The following ULK4 variants were observed in gnomAD, a reference collection of about 807,000 sequenced individuals.
ULK4 encodes the protein inactive serine/threonine-protein kinase ULK4.
ULK4 carries 133 observed loss-of-function variants against 160.6 expected under a neutral mutation model. That is an observed-to-expected ratio of 0.83 (90% CI 0.72 to 0.96). The LOEUF (loss-of-function observed/expected upper bound fraction) is 0.96. Among genes scored for constraint, ULK4 ranks in the 40% least tolerant of loss-of-function variants. The pLI is 0.00. For missense variants in ULK4, 1,580 were observed against 1,499.5 expected (o/e 1.05, Z -0.89); for synonymous variants, 534 against 539.8 (o/e 0.99, Z 0.15).
At chr3:41,314,432 AT>A (rs1248425771) in intron 35 of ULK4, among the ~76,000 whole-genome samples, 1 of 151,996 alleles carries the variant, frequency 6.6e-6, no homozygotes, top group African/African-American at 2.4e-5. Flanking sequence ...GCTCCCACTT[AT>A]GAGTTTGAAC....
chr3:41,888,068 C>T (rs1697792316), intron 16 of ULK4, among the ~76,000 whole-genome samples: 1 of 151,812 alleles, frequency 6.6e-6, no homozygotes, highest in South Asian at 2.1e-4. Context: ...CCCATTCCAG[C>T]CTCGGGGACA....
intron 34 of ULK4, among the ~76,000 whole-genome samples, chr3:41,420,163 T>C (rs1002977596): frequency 3.3e-5 from 5 of 152,086 alleles, no homozygotes; most frequent in African/African-American, 1.2e-4. Flanking sequence ...AAAATTTTCT[T>C]GGTTAGTCTC....
chr3:41,274,782 T>C (rs1436051353), intron 35 of ULK4, among the ~76,000 whole-genome samples: 5 of 152,248 alleles, frequency 3.3e-5, no homozygotes, highest in Non-Finnish European at 7.3e-5. Context: ...TGTGTTCCAA[T>C]TTGATATTGC....
At chr3:41,941,519 G>A (rs1471156305) in intron 2 of ULK4, among the ~76,000 whole-genome samples, 2 of 151,348 alleles carry the variant, frequency 1.3e-5, no homozygotes, top group African/African-American at 2.4e-5. Context: ...TAACTTAGAC[G>A]ACAGAGGAGT....
intron 34 of ULK4, among the ~76,000 whole-genome samples, chr3:41,422,912 A>T (rs1009882150): frequency 6.6e-6 from 1 of 152,226 alleles, no homozygotes; most frequent in African/African-American, 2.4e-5. Flanking sequence ...AAATAACTGG[A>T]AACAATCTGA....
intron 22 of ULK4, among the ~76,000 whole-genome samples, chr3:41,736,231 G>A (rs536037167): frequency 6.6e-6 from 1 of 150,984 alleles, no homozygotes; most frequent in African/African-American, 2.5e-5. Flanking sequence ...TGGGTCAAAT[G>A]GTATTTCTAG....
At chr3:41,706,844 A>ATAT (rs1360804902) in intron 25 of ULK4, among the ~76,000 whole-genome samples, 1 of 138,702 alleles carries the variant, frequency 7.2e-6, no homozygotes, top group African/African-American at 2.9e-5. Flanking sequence ...AAAAAAAAAA[A>ATAT]AAATATGTGT....
intron 35 of ULK4, 122 bp downstream of exon 35, chr3:41,397,957 T>A: frequency 9.1e-7 from 1 of 1,098,114 alleles, no homozygotes; most frequent in Non-Finnish European, 1.3e-6. Flanking sequence ...TGACTGGGAG[T>A]TCTTGACAAC....
At chr3:41,471,637 G>A (rs555959352) in intron 32 of ULK4, among the ~76,000 whole-genome samples, 1 of 152,216 alleles carries the variant, frequency 6.6e-6, no homozygotes, top group South Asian at 2.1e-4. Context: ...AATTTAAGAA[G>A]ACTGAAATAA....
At chr3:41,442,189 T>TAG (rs2083187085) in intron 34 of ULK4, among the ~76,000 whole-genome samples, 1 of 152,090 alleles carries the variant, frequency 6.6e-6, no homozygotes, top group Non-Finnish European at 1.5e-5. Context: ...ACTGATTTAT[T>TAG]AGAGAGAGAG....
intron 35 of ULK4, among the ~76,000 whole-genome samples, chr3:41,370,902 T>C (rs1327737798): frequency 6.6e-6 from 1 of 152,164 alleles, no homozygotes; most frequent in Admixed American, 6.5e-5. Context: ...TGGCTTGAAA[T>C]TCTTACTGAC....
chr3:41,817,975 A>AT (rs2041024179), intron 19 of ULK4, among the ~76,000 whole-genome samples: 1 of 152,116 alleles, frequency 6.6e-6, no homozygotes, highest in African/African-American at 2.4e-5. Context: ...ATAAGATACC[A>AT]TCTCACCCCA....
intron 34 of ULK4, among the ~76,000 whole-genome samples, chr3:41,443,617 G>T (rs550527691): frequency 6.6e-6 from 1 of 152,088 alleles, no homozygotes; most frequent in Admixed American, 6.5e-5. Flanking sequence ...GGACCATGTT[G>T]TTAAGGGGAC....
intron 31 of ULK4, among the ~76,000 whole-genome samples, chr3:41,581,282 G>A (rs899380555): frequency 3.3e-5 from 5 of 152,094 alleles, no homozygotes; most frequent in African/African-American, 1.2e-4. Context: ...CAGAGAGTAC[G>A]TTTACCTTCT....
chr3:41,334,413 A>T (rs1364886252), intron 35 of ULK4, among the ~76,000 whole-genome samples: 2 of 152,142 alleles, frequency 1.3e-5, no homozygotes, highest in African/African-American at 4.8e-5. Context: ...ACATCCTAGG[A>T]TTCTTCCAGC....
intron 34 of ULK4, among the ~76,000 whole-genome samples, chr3:41,399,877 G>A (rs775375104): frequency 1.3e-5 from 2 of 152,136 alleles, no homozygotes; most frequent in African/African-American, 2.4e-5. Context: ...AGTGCTGAGA[G>A]TACAGGCAAG....
chr3:41,960,311 T>TAGATAGGGTGG (rs1268590566), intron 1 of ULK4, among the ~76,000 whole-genome samples: 1 of 152,224 alleles, frequency 6.6e-6, no homozygotes, highest in African/African-American at 2.4e-5. Flanking sequence ...CTTTCAAGCA[T>TAGATAGGGTGG]TTCTCCTCTC....
intron 31 of ULK4, among the ~76,000 whole-genome samples, chr3:41,581,361 T>C (rs2030321618): frequency 1.3e-5 from 2 of 152,206 alleles, no homozygotes; most frequent in Admixed American, 1.3e-4. Context: ...GAATGGATTA[T>C]AGCTAAGCTC....
chr3:41,709,335 A>G lies in ULK4; in HGVS notation c.2635-4030T>C, dbSNP rs116467848. Reference sequence around the variant, plus strand: ...AAAGTGAAAACAGAGGACATCTTCAATTCTTTTTTGGTCTACAAATAAACA... The same window carrying G: ...AAAGTGAAAACAGAGGACATCTTCAGTTCTTTTTTGGTCTACAAATAAACA... On this transcript the variant is annotated intron_variant, in intron 25 of 36. Transcript: ENST00000301831. 3.1e-3 allele frequency among the ~76,000 whole-genome samples: 474 copies of G among 152,316 alleles called. 2 individuals are homozygous for G. The highest frequency in any genetic ancestry group is 5.0e-3 in the Non-Finnish European group (342 of 68,026).
Sources: gnomAD v4.1 joint callset for allele counts (sites outside exome capture counted in the v4.1 genomes callset) on GRCh38, gnomAD v4.1.1 for gene constraint, MANE v1.5 for transcripts, NCBI Gene and HGNC (gene_info 2026-07-23, HGNC 2026-07-21) for gene names.